Variants in RBM45 observed in about 807,000 individuals in gnomAD.
RBM45 encodes RNA-binding protein 45.
In RBM45, 39 loss-of-function variants were observed where a neutral mutation model predicts 58.5. That is an observed-to-expected ratio of 0.67 (90% confidence interval 0.52 to 0.87). RBM45 has a LOEUF of 0.87. Ranked by LOEUF, RBM45 falls within the 40% of genes least tolerant of loss-of-function variation. The probability of loss-of-function intolerance (pLI) is 0.00; values close to 1 mark genes in which losing one functional copy is unlikely to be tolerated. For missense variants in RBM45, 481 were observed against 581.6 expected (o/e 0.83, Z 1.78); for synonymous variants, 193 against 203.0 (o/e 0.95, Z 0.42).
At chr2:178,135,476 A>C (rs16866118) in intron 3 of RBM45, among the ~76,000 whole-genome samples, 38,020 of 152,140 alleles carry the variant, frequency 0.25, 6,005 homozygotes, top group East Asian at 0.57. Context: ...GGCAATAGGG[A>C]GTCTATACCA....
chr2:178,112,496 G>C lies in RBM45; in HGVS notation c.-51G>C. The C allele has an allele frequency of 6.5e-7, 1 of 1,528,772 alleles. No homozygotes were observed. Among genetic ancestry groups the C allele is most frequent in the Non-Finnish European group, 8.9e-7 (1 of 1,118,320 alleles). 94.7% of individuals were successfully genotyped at this position (1,528,772 alleles called of 1,614,324 possible). ...TGGGTGTGAGACAGCAGCGGTGGCA[G>C]ACACCGCAGAAGCAAAGAGCAGTGA... On this transcript the variant is annotated 5_prime_UTR_variant, in exon 1 of 10. Coordinates refer to ENST00000286070, the MANE Select transcript of RBM45 (RefSeq NM_152945.4).
rs924852435 is a variant in RBM45, at chr2:178,117,906, G to A, written c.424-149G>A. On this transcript the variant is annotated intron_variant, in intron 2 of 9. Transcript: ENST00000286070. ...CCTTATCTATGAAATAAGCATATTT[G>A]CAAATACAAATATGCAATATCTGCA... 10 of 468,318 alleles carry A rather than the reference G, an allele frequency of 2.1e-5. No homozygotes were observed. In the East Asian group the frequency reaches 2.6e-4, roughly 12 times the overall value. The allele number at this position is 468,318 out of a possible 1,614,324, so 29.0% of individuals were successfully genotyped here. A position where few individuals can be genotyped will look rare whatever the true frequency, so the allele number is the denominator to read the frequency against.
chr2:178,120,277 GT>G lies in RBM45; in HGVS notation c.551-4del. ...TGCTGTGAAACTTGAAATTCATGGG[GT>G]TTTTTCAGGTTTTAGAGCAATCTTG... is the stretch of plus-strand genomic sequence containing the variant. On this transcript the variant is annotated splice_polypyrimidine_tract_variant and intron_variant, in intron 3 of 9. Transcript: ENST00000286070. 1.2e-6 allele frequency: 2 copies of G among 1,611,482 alleles called. No individual in the cohort carries two copies. The highest frequency in any genetic ancestry group is 1.1e-5 in the South Asian group (1 of 90,334).
chr2:178,120,442 A>G (rs778190575), intron 4 of RBM45, 33 bp downstream of exon 4: 33 of 1,577,200 alleles, frequency 2.1e-5, no homozygotes, highest in Non-Finnish European at 2.8e-5. Flanking sequence ...TAATAGTATA[A>G]TGTAGTATAT....
chr2:178,114,795 C>T (rs2087751192), intron 1 of RBM45, among the ~76,000 whole-genome samples: 1 of 152,110 alleles, frequency 6.6e-6, no homozygotes, highest in African/African-American at 2.4e-5. Context: ...CAGGGTCTCA[C>T]TATGTTGCCT....
intron 5 of RBM45, 44 bp from the exon 6 acceptor site, chr2:178,123,478 T>G (rs1318293101): frequency 2.0e-6 from 3 of 1,524,380 alleles, no homozygotes; most frequent in Non-Finnish European, 2.6e-6. Context: ...CCTTAGGCAC[T>G]CAGTCTGCTT....
chr2:178,121,403 T>TAC lies in RBM45; in HGVS notation c.853+84_853+85dup, dbSNP rs55710214. 1,907 of 593,198 alleles carry TAC rather than the reference T, an allele frequency of 3.2e-3. 7 individuals carry two copies. The highest frequency in any genetic ancestry group is 0.019 in the African/African-American group (927 of 48,738). The allele number at this position is 593,198 out of a possible 1,614,324, so 36.7% of individuals were successfully genotyped here. A position where few individuals can be genotyped will look rare whatever the true frequency, so the allele number is the denominator to read the frequency against. ...TAAAAAATATATATATATGTATATA[T>TAC]ACACACACACACACACACACACACA... is the stretch of plus-strand genomic sequence containing the variant. On this transcript the variant is annotated intron_variant, in intron 5 of 9. Transcript: ENST00000286070.
At chr2:178,122,973 C>G (rs903479013) in intron 5 of RBM45, among the ~76,000 whole-genome samples, 1 of 152,142 alleles carries the variant, frequency 6.6e-6, no homozygotes, top group Non-Finnish European at 1.5e-5. Flanking sequence ...GAAATTCGTC[C>G]CTTTGGCAGA....
intron 3 of RBM45, among the ~76,000 whole-genome samples, chr2:178,135,364 G>C (rs1296302493): frequency 6.6e-6 from 1 of 152,148 alleles, no homozygotes; most frequent in African/African-American, 2.4e-5. Flanking sequence ...ACTCCTACCA[G>C]GATTCATCTA....
chr2:178,113,437 T>G (rs1439506267), intron 1 of RBM45, among the ~76,000 whole-genome samples: 1 of 152,234 alleles, frequency 6.6e-6, no homozygotes, highest in East Asian at 1.9e-4. Flanking sequence ...CATTTTGTTA[T>G]TTTGGAAAAT....
At chr2:178,138,789 C>T (rs1050683110) in exon 4 of RBM45, 21 of 151,786 alleles carry the variant, frequency 1.4e-4, no homozygotes, top group African/African-American at 3.9e-4. Context: ...TTATCTATTC[C>T]GAAATTTTTC....
At chr2:178,132,830 T>C (rs568855379), downstream of RBM45, among the ~76,000 whole-genome samples, 12 of 152,278 alleles carry the variant, frequency 7.9e-5, no homozygotes, top group South Asian at 1.7e-3. Flanking sequence ...TCAGGTGACC[T>C]GCCCACCTCG....
At chr2:178,126,390 G>A (rs1024570867) in intron 9 of RBM45, among the ~76,000 whole-genome samples, 2 of 152,064 alleles carry the variant, frequency 1.3e-5, no homozygotes, top group Admixed American at 1.3e-4. Context: ...TTTCAATTTA[G>A]AAAGATAAAT....
chr2:178,130,811 T>C (rs918183421), downstream of RBM45, among the ~76,000 whole-genome samples: 2 of 152,236 alleles, frequency 1.3e-5, no homozygotes, highest in African/African-American at 4.8e-5. Context: ...ACATCTCCAT[T>C]GGAAAACTAA....
chr2:178,127,235 G>A (rs1172346815), intron 9 of RBM45, among the ~76,000 whole-genome samples: 1 of 152,144 alleles, frequency 6.6e-6, no homozygotes, highest in South Asian at 2.1e-4. Flanking sequence ...AAGTTTGGCG[G>A]TTTTTATTCT....
intron 9 of RBM45, among the ~76,000 whole-genome samples, chr2:178,127,493 T>C (rs2087948571): frequency 6.6e-6 from 1 of 152,226 alleles, no homozygotes; most frequent in African/African-American, 2.4e-5. Flanking sequence ...ACAGATCACA[T>C]GATTAGTTCC....
chr2:178,124,268 G>A lies in RBM45; in HGVS notation c.1210G>A (p.Asp404Asn). 2.6e-6 allele frequency: 4 copies of A among 1,566,266 alleles called. No homozygotes were observed. Among genetic ancestry groups the A allele is most frequent in the Non-Finnish European group, 3.5e-6 (4 of 1,155,354 alleles). Residue 404 changes from aspartate to asparagine, a missense_variant, in exon 8 of 10, where the codon GAC (aspartate) becomes AAC (asparagine). Transcript: ENST00000286070. ...GTTTAATCCTCATCCTTTACCTTTA[G>A]ACGTATTAGAAGATATATTCTGGTA... Reference protein sequence around the residue: ...IVFNPHPLPLDVLEDIFCRFG... With the variant: ...IVFNPHPLPLNVLEDIFCRFG...
chr2:178,120,186 T>C, intron 3 of RBM45, 101 bp from the exon 4 acceptor site: 2 of 1,501,742 alleles, frequency 1.3e-6, no homozygotes, highest in Non-Finnish European at 1.8e-6. Flanking sequence ...TTTTGCTTTG[T>C]ACAATTATAT....
At chr2:178,135,905 A>G (rs2088041309) in intron 3 of RBM45, among the ~76,000 whole-genome samples, 1 of 152,266 alleles carries the variant, frequency 6.6e-6, no homozygotes, top group Admixed American at 6.5e-5. Flanking sequence ...GGTTAAGGTT[A>G]GTGGAAACTA....
Sources: gnomAD v4.1 joint callset for allele counts (sites outside exome capture counted in the v4.1 genomes callset) on GRCh38, gnomAD v4.1.1 for gene constraint, MANE v1.5 for transcripts, NCBI Gene and HGNC (gene_info 2026-07-23, HGNC 2026-07-21) for gene names.